CNTN5: variants seen among roughly 807,000 people sequenced by gnomAD.
The protein encoded by CNTN5 is contactin-5.
Under a neutral mutation model 129.1 loss-of-function variants are expected in CNTN5, and 77 were observed. The ratio of observed to expected loss-of-function variants is 0.60; its 90% CI spans 0.50 to 0.72. The LOEUF (loss-of-function observed/expected upper bound fraction) is 0.72, where lower values mean the gene tolerates loss of function less well. Ranked by LOEUF, CNTN5 falls within the 30% of genes least tolerant of loss-of-function variation. The pLI, the probability that CNTN5 is intolerant of heterozygous loss-of-function variation, is 0.00. For missense variants in CNTN5, 1,478 were observed against 1,328.8 expected, an observed-to-expected ratio of 1.11 and a Z score of -1.75; for synonymous variants, 509 against 465.6, an observed-to-expected ratio of 1.09 and a Z score of -1.20.
At chr11:99,436,162 T>C (rs1943591975) in intron 2 of CNTN5, among the ~76,000 whole-genome samples, 1 of 152,164 alleles carries the variant, frequency 6.6e-6, no homozygotes, top group African/African-American at 2.4e-5. Flanking sequence ...GAATTCCAAT[T>C]GACTGTAGTG....
intron 13 of CNTN5, among the ~76,000 whole-genome samples, chr11:100,082,719 G>C (rs1591202473): frequency 6.6e-6 from 1 of 152,002 alleles, no homozygotes; most frequent in African/African-American, 2.4e-5. Context: ...ATGTCTGCAT[G>C]GACACAAATA....
intron 3 of CNTN5, among the ~76,000 whole-genome samples, chr11:99,594,461 T>C (rs1457350436): frequency 6.6e-6 from 1 of 152,152 alleles, no homozygotes. Context: ...GTAAGCTCAA[T>C]TCATAGCATG....
intron 1 of CNTN5, among the ~76,000 whole-genome samples, chr11:99,307,190 T>C (rs1864915245): frequency 6.6e-6 from 1 of 152,228 alleles, no homozygotes; most frequent in Non-Finnish European, 1.5e-5. Context: ...AGGCTAATGT[T>C]CAGTGATCAC....
chr11:100,073,467 A>G (rs775120126), intron 12 of CNTN5, among the ~76,000 whole-genome samples: 2 of 151,558 alleles, frequency 1.3e-5, no homozygotes, highest in Non-Finnish European at 2.9e-5. Context: ...TGAAATACAT[A>G]TAATATCAGA....
chr11:100,123,278 G>T (rs768403963), intron 13 of CNTN5, among the ~76,000 whole-genome samples: 15 of 151,510 alleles, frequency 9.9e-5, no homozygotes, highest in Non-Finnish European at 1.6e-4. Flanking sequence ...TTTGCCACAA[G>T]GTTTTTCTAT....
chr11:99,555,301 C>T lies in CNTN5; in HGVS notation c.-70-844C>T, dbSNP rs1361297367. 3.3e-5 allele frequency among the ~76,000 whole-genome samples: 5 copies of T among 151,956 alleles called. No homozygotes were observed. In the South Asian group the frequency reaches 8.3e-4, roughly 25 times the overall value. On this transcript the variant is annotated intron_variant, in intron 2 of 24. Transcript: ENST00000524871. ...ACTTTACAATTATTTCTCAACTGAA[C>T]GGCTTTGCGCCAAGGAGAACATAGC... is the stretch of plus-strand genomic sequence containing the variant.
rs541717715 is a variant in CNTN5, at chr11:99,444,386, A to C, written c.-70-111759A>C. 2.6e-5 allele frequency among the ~76,000 whole-genome samples: 4 copies of C among 152,352 alleles called. No individual in the cohort carries two copies. The East Asian group carries it at 7.7e-4, about 29-fold the overall frequency. On this transcript the variant is annotated intron_variant, in intron 2 of 24. Transcript: ENST00000524871. ...CTTCTGTGACATTGTGATGTTTAAC[A>C]AACAAGCAAATATCCTAGTTAAAAA...
intron 2 of CNTN5, among the ~76,000 whole-genome samples, chr11:99,470,206 G>A (rs1945119262): frequency 1.3e-5 from 2 of 152,066 alleles, no homozygotes; most frequent in South Asian, 4.1e-4. Flanking sequence ...TTTAGTTTAT[G>A]TCCTCCACTG....
At chr11:100,302,845 A>T (rs1951257957) in intron 20 of CNTN5, among the ~76,000 whole-genome samples, 1 of 151,628 alleles carries the variant, frequency 6.6e-6, no homozygotes, top group South Asian at 2.1e-4. Context: ...TCAGAATGCA[A>T]ATAAAATTAA....
chr11:99,191,622 C>T (rs1255448661), intron 1 of CNTN5, among the ~76,000 whole-genome samples: 1 of 151,636 alleles, frequency 6.6e-6, no homozygotes, highest in Non-Finnish European at 1.5e-5. Flanking sequence ...AAGTATCTTT[C>T]CTGATGACAA....
chr11:99,026,442 G>A (rs1443021378), intron 1 of CNTN5, among the ~76,000 whole-genome samples: 1 of 151,490 alleles, frequency 6.6e-6, no homozygotes, highest in Non-Finnish European at 1.5e-5. Flanking sequence ...GCATTGATAA[G>A]AGAATTGAAA....
At chr11:99,854,290 C>T (rs979647392) in intron 6 of CNTN5, among the ~76,000 whole-genome samples, 2 of 152,134 alleles carry the variant, frequency 1.3e-5, no homozygotes, top group African/African-American at 2.4e-5. Context: ...GACTAGGTTA[C>T]CCCTACATAA....
intron 2 of CNTN5, among the ~76,000 whole-genome samples, chr11:99,373,507 A>G (rs1412671795): frequency 6.6e-6 from 1 of 152,082 alleles, no homozygotes; most frequent in African/African-American, 2.4e-5. Flanking sequence ...TGAGGTCAGG[A>G]GTTAAAGACC....
intron 16 of CNTN5, among the ~76,000 whole-genome samples, chr11:100,228,474 G>A (rs189675201): frequency 4.9e-4 from 74 of 152,198 alleles, no homozygotes; most frequent in Admixed American, 1.7e-3. Flanking sequence ...TCCTTCATCT[G>A]TCCAATCAAT....
chr11:99,571,202 T>C (rs1407170908), intron 3 of CNTN5, among the ~76,000 whole-genome samples: 2 of 152,178 alleles, frequency 1.3e-5, no homozygotes, highest in Non-Finnish European at 2.9e-5. Flanking sequence ...ATTGTAGTAG[T>C]TGCGAGAGAA....
At chr11:99,808,201 G>A in intron 3 of CNTN5, among the ~76,000 whole-genome samples, 1 of 152,204 alleles carries the variant, frequency 6.6e-6, no homozygotes, top group East Asian at 1.9e-4. Context: ...TTAAGGTTTT[G>A]TTGAATATTG....
intron 1 of CNTN5, among the ~76,000 whole-genome samples, chr11:99,118,455 T>A (rs1012574311): frequency 6.6e-6 from 1 of 152,148 alleles, no homozygotes; most frequent in African/African-American, 2.4e-5. Context: ...GCAATGTAGA[T>A]GACTATTTCA....
At chr11:99,966,435 A>G (rs888300535) in intron 8 of CNTN5, among the ~76,000 whole-genome samples, 1 of 152,180 alleles carries the variant, frequency 6.6e-6, no homozygotes, top group African/African-American at 2.4e-5. Flanking sequence ...CCGCTTCTAC[A>G]GGCATCTTGA....
At chr11:99,357,433 T>C (rs368579025) in intron 2 of CNTN5, among the ~76,000 whole-genome samples, 97 of 151,706 alleles carry the variant, frequency 6.4e-4, no homozygotes, top group African/African-American at 2.3e-3. Context: ...TATTATATAC[T>C]TGAAATTACA....
Sources: allele counts gnomAD v4.1 joint callset (sites outside exome capture counted in the v4.1 genomes callset), GRCh38; gene constraint gnomAD v4.1.1; transcripts MANE v1.5; gene names NCBI Gene and HGNC (gene_info 2026-07-23, HGNC 2026-07-21).